Variants in SGCD observed in about 807,000 individuals in gnomAD.
SGCD encodes sarcoglycan delta.
SGCD carries 18 observed loss-of-function variants against 36.6 expected under a neutral mutation model. The observed-to-expected ratio is 0.49, with a 90% confidence interval of 0.34 to 0.73. The LOEUF (loss-of-function observed/expected upper bound fraction) is 0.73. SGCD is among the 30% of genes least tolerant of loss of function. The pLI, the probability that SGCD is intolerant of heterozygous loss-of-function variation, is 0.01. For missense variants in SGCD, 387 were observed against 346.7 expected (o/e 1.12, Z -0.92); for synonymous variants, 133 against 130.6 (o/e 1.02, Z -0.12).
At chr5:156,669,623 T>G in intron 7 of SGCD, among the ~76,000 whole-genome samples, 1 of 152,222 alleles carries the variant, frequency 6.6e-6, no homozygotes, top group Non-Finnish European at 1.5e-5. Context: ...AGACAGGGTA[T>G]TATGCCAGTC....
At chr5:156,403,771 C>A (rs1262783196) in intron 3 of SGCD, among the ~76,000 whole-genome samples, 1 of 151,850 alleles carries the variant, frequency 6.6e-6, no homozygotes, top group Non-Finnish European at 1.5e-5. Context: ...GGTTTTTTTT[C>A]TTTAGTTCTT....
chr5:156,374,149 CAA>C (rs34872468), intron 3 of SGCD, among the ~76,000 whole-genome samples: 380 of 140,596 alleles, frequency 2.7e-3, no homozygotes, highest in African/African-American at 6.4e-3. Flanking sequence ...GTTCAAAATA[CAA>C]AAAAAAAAAA....
At chr5:156,140,114 A>T (rs1263155522) in intron 3 of SGCD, among the ~76,000 whole-genome samples, 1 of 152,232 alleles carries the variant, frequency 6.6e-6, no homozygotes, top group Non-Finnish European at 1.5e-5. Flanking sequence ...ATTTCTGTTT[A>T]TAAATTACCC....
At chr5:156,474,358 A>G (rs1233463752) in intron 3 of SGCD, among the ~76,000 whole-genome samples, 2 of 152,224 alleles carry the variant, frequency 1.3e-5, no homozygotes, top group African/African-American at 4.8e-5. Flanking sequence ...CAGGCACTCT[A>G]GGCTGTGCTA....
intron 1 of SGCD, among the ~76,000 whole-genome samples, chr5:155,944,342 T>C (rs1293441061): frequency 1.3e-5 from 2 of 152,208 alleles, no homozygotes; most frequent in African/African-American, 4.8e-5. Context: ...TTATGAACGA[T>C]GATTGTTAAA....
intron 7 of SGCD, among the ~76,000 whole-genome samples, chr5:156,695,138 T>TGTTTGTGTG: frequency 6.9e-6 from 1 of 145,900 alleles, no homozygotes; most frequent in South Asian, 2.2e-4. Context: ...GTGTGTGTGT[T>TGTTTGTGTG]TGTGTGTGTG....
intron 6 of SGCD, among the ~76,000 whole-genome samples, chr5:156,607,646 G>A (rs533152879): frequency 6.6e-6 from 1 of 152,260 alleles, no homozygotes; most frequent in South Asian, 2.1e-4. Context: ...TGTACCTCTG[G>A]TAGAATTGGG....
chr5:156,498,935 C>CGTGT (rs71577198), intron 3 of SGCD, among the ~76,000 whole-genome samples: 37 of 149,458 alleles, frequency 2.5e-4, no homozygotes, highest in Middle Eastern at 6.8e-3. Flanking sequence ...ATGTGTGCTA[C>CGTGT]GTGTGTGTGT....
At chr5:156,574,724 G>C (rs1759857562) in intron 4 of SGCD, among the ~76,000 whole-genome samples, 1 of 152,094 alleles carries the variant, frequency 6.6e-6, no homozygotes, top group Non-Finnish European at 1.5e-5. Flanking sequence ...AAATCAGATT[G>C]TATCTCTCCC....
the SGCD span, among the ~76,000 whole-genome samples, chr5:155,792,487 A>G: frequency 1.3e-5 from 2 of 151,810 alleles, no homozygotes; most frequent in African/African-American, 4.8e-5. Context: ...AATGGGAGAA[A>G]CTATTCACCA....
At chr5:156,561,253 C>T (rs1382918041) in intron 4 of SGCD, among the ~76,000 whole-genome samples, 2 of 152,166 alleles carry the variant, frequency 1.3e-5, no homozygotes, top group Non-Finnish European at 2.9e-5. Flanking sequence ...GTAATTTATG[C>T]AGTCAGAGTA....
At chr5:156,199,823 A>G (rs952590449) in intron 3 of SGCD, among the ~76,000 whole-genome samples, 2 of 152,114 alleles carry the variant, frequency 1.3e-5, no homozygotes, top group African/African-American at 2.4e-5. Flanking sequence ...TGACTCATCA[A>G]CTAATAAATT....
At position 156,767,165 on chromosome 5, in the gene SGCD, G is replaced by A. The variant is rs887630220; in HGVS notation, c.*7775G>A. ...ACCAGAGCCAGAAATCTAGCTCTCT[G>A]GAAGAGATGCAAGATTCTAGAAAAG... On this transcript the variant is annotated 3_prime_UTR_variant, in exon 9 of 9. Transcript: ENST00000337851. The A allele has an allele frequency of 3.3e-5, 5 of 152,134 alleles. No individual in the cohort carries two copies. Among genetic ancestry groups the A allele is most frequent in the Admixed American group, 2.6e-4 (4 of 15,272 alleles). 9.4% of individuals were successfully genotyped at this position (152,134 alleles called of 1,614,324 possible). A position where few individuals can be genotyped will look rare whatever the true frequency, so the allele number is the denominator to read the frequency against.
intron 3 of SGCD, among the ~76,000 whole-genome samples, chr5:156,279,984 A>AACACAC (rs141892026): frequency 6.7e-6 from 1 of 148,544 alleles, no homozygotes; most frequent in Non-Finnish European, 1.5e-5. Flanking sequence ...CACACATACA[A>AACACAC]ACACACACAC....
intron 1 of SGCD, among the ~76,000 whole-genome samples, chr5:155,892,153 A>C (rs993926285): frequency 6.6e-6 from 1 of 152,140 alleles, no homozygotes; most frequent in Non-Finnish European, 1.5e-5. Context: ...ATAAGGATCA[A>C]GCAGGACATG....
chr5:156,032,456 C>A (rs907333307), intron 1 of SGCD, among the ~76,000 whole-genome samples: 4 of 151,796 alleles, frequency 2.6e-5, no homozygotes, highest in African/African-American at 7.3e-5. Flanking sequence ...CAGTGGCTCA[C>A]ACCTGTAATC....
chr5:156,653,164 A>C (rs966731388), intron 7 of SGCD, among the ~76,000 whole-genome samples: 1 of 152,080 alleles, frequency 6.6e-6, no homozygotes, highest in African/African-American at 2.4e-5. Context: ...ATTTCAGTAG[A>C]ATTGGTAACA....
rs1414689446 is a variant in SGCD at position 156,444,097 on chromosome 5, TCTCTCTCTCTCTCTCTCTCC to T, written c.193-64502_193-64483del. On this transcript the variant is annotated intron_variant, in intron 3 of 8. Transcript: ENST00000337851. ...CTCTCTCTCTCTCTCTCTCTCTCTCTCTCTCTCTCTCTCTCTCTCCCCTTCCCTCTCTCTCTCTCTCCTTC... is the reference window on the plus strand; with the variant it reads ...CTCTCTCTCTCTCTCTCTCTCTCTCTCCTTCCCTCTCTCTCTCTCTCCTTC... Among the ~76,000 whole-genome samples, 70 of 119,288 alleles carry T rather than the reference TCTCTCTCTCTCTCTCTCTCC, an allele frequency of 5.9e-4. 1 individual carries two copies. The highest frequency in any genetic ancestry group is 2.2e-3 in the African/African-American group (58 of 26,464). 78.3% of individuals were successfully genotyped at this position (119,288 alleles called of 152,430 possible).
chr5:156,206,809 C>G (rs895151618), intron 3 of SGCD, among the ~76,000 whole-genome samples: 1 of 151,504 alleles, frequency 6.6e-6, no homozygotes, highest in Admixed American at 6.6e-5. Context: ...TAGAATATAT[C>G]CAAAAGAAAC....
Sources: allele counts gnomAD v4.1 joint callset (sites outside exome capture counted in the v4.1 genomes callset), GRCh38; gene constraint gnomAD v4.1.1; transcripts MANE v1.5; gene names NCBI Gene and HGNC (gene_info 2026-07-23, HGNC 2026-07-21).